Variants in CWF19L2 observed in about 807,000 individuals in gnomAD.
CWF19L2 encodes the protein CWF19-like protein 2.
CWF19L2 carries 98 observed loss-of-function variants against 111.7 expected under a neutral mutation model. That is an observed-to-expected ratio of 0.88 (90% confidence interval 0.75 to 1.04). The LOEUF is 1.04. Ranked by LOEUF, CWF19L2 falls within the 50% of genes least tolerant of loss-of-function variation. CWF19L2 has a pLI of 0.00. For missense variants in CWF19L2, 1,101 were observed against 1,051.4 expected (o/e 1.05, Z -0.65); for synonymous variants, 351 against 342.9 (o/e 1.02, Z -0.26).
At chr11:107,341,495 T>C (rs540964028) in intron 14 of CWF19L2, among the ~76,000 whole-genome samples, 1 of 152,308 alleles carries the variant, frequency 6.6e-6, no homozygotes, top group South Asian at 2.1e-4. Flanking sequence ...TTTGCTAATA[T>C]TTTGTTGATA....
chr11:107,354,865 G>T (rs914014665), intron 12 of CWF19L2, among the ~76,000 whole-genome samples: 1 of 152,066 alleles, frequency 6.6e-6, no homozygotes, highest in Non-Finnish European at 1.5e-5. Context: ...CAACCCATGA[G>T]GTTTAATTCT....
At chr11:107,393,320 G>A (rs1034361825) in intron 10 of CWF19L2, among the ~76,000 whole-genome samples, 12 of 152,120 alleles carry the variant, frequency 7.9e-5, no homozygotes, top group East Asian at 5.8e-4. Flanking sequence ...GATACTACCC[G>A]TAACTTCTAT....
intron 8 of CWF19L2, among the ~76,000 whole-genome samples, chr11:107,425,709 T>C (rs1482859801): frequency 6.6e-6 from 1 of 151,936 alleles, no homozygotes; most frequent in Non-Finnish European, 1.5e-5. Flanking sequence ...CTCACAACTA[T>C]ACTCAAAGCC....
chr11:107,451,783 G>A lies in CWF19L2; in HGVS notation c.339+2667C>T, dbSNP rs546584914. Among the ~76,000 whole-genome samples, 6 of 152,126 alleles carry A rather than the reference G, an allele frequency of 3.9e-5. No individual in the cohort carries two copies. In the South Asian group the frequency reaches 6.2e-4, roughly 16 times the overall value. ...AACTATTAAAGGAATTAACTCTGTC[G>A]TTAAACCCATTCCACAAAGAAACTC... On this transcript the variant is annotated intron_variant, in intron 3 of 17. Transcript: ENST00000282251.
chr11:107,439,615 G>A (rs1277704191), intron 5 of CWF19L2, among the ~76,000 whole-genome samples: 8 of 152,092 alleles, frequency 5.3e-5, no homozygotes, highest in African/African-American at 1.2e-4. Flanking sequence ...TAAATTAACC[G>A]CATTTTCTTT....
chr11:107,427,633 T>G (rs1861397363), intron 8 of CWF19L2, among the ~76,000 whole-genome samples: 1 of 152,176 alleles, frequency 6.6e-6, no homozygotes, highest in Admixed American at 6.6e-5. Context: ...CCTAATGATA[T>G]CAGGAAATAA....
At chr11:107,392,987 C>A (rs112031369) in intron 10 of CWF19L2, 92 bp from the exon 11 acceptor site, 2 of 775,046 alleles carry the variant, frequency 2.6e-6, no homozygotes, top group Non-Finnish European at 4.0e-6. Flanking sequence ...AAATGATTAA[C>A]GTTTCCACAT....
intron 7 of CWF19L2, among the ~76,000 whole-genome samples, chr11:107,431,598 AAAACT>A (rs1239469693): frequency 6.6e-6 from 1 of 152,122 alleles, no homozygotes; most frequent in East Asian, 1.9e-4. Context: ...ATTTACTAAG[AAAACT>A]AAACACATAA....
chr11:107,407,597 A>AT (rs1239348596), intron 10 of CWF19L2, among the ~76,000 whole-genome samples: 2 of 151,258 alleles, frequency 1.3e-5, no homozygotes, highest in Non-Finnish European at 3.0e-5. Context: ...AATAATGAGC[A>AT]TTTGAGGGAA....
intron 10 of CWF19L2, among the ~76,000 whole-genome samples, chr11:107,411,079 G>A (rs559982241): frequency 6.2e-4 from 50 of 81,112 alleles, no homozygotes; most frequent in East Asian, 2.0e-3. Context: ...GTGTGTGTGC[G>A]CGCGTGCGTG....
intron 10 of CWF19L2, among the ~76,000 whole-genome samples, chr11:107,411,918 T>A (rs1403284677): frequency 6.6e-6 from 1 of 152,150 alleles, no homozygotes; most frequent in African/African-American, 2.4e-5. Context: ...GGCACAATGG[T>A]CTCTTAGTCC....
chr11:107,434,672 C>CAAAAAAAAAAAAAAAAAAAAAAAAAAAA (rs71044301), intron 6 of CWF19L2, among the ~76,000 whole-genome samples: 1 of 115,818 alleles, frequency 8.6e-6, no homozygotes. Flanking sequence ...TATTACACAG[C>CAAAAAAAAAAAAAAAAAAAAAAAAAAAA]AAAAAAAAAA....
intron 12 of CWF19L2, among the ~76,000 whole-genome samples, chr11:107,387,661 T>C (rs77820965): frequency 0.017 from 2,648 of 152,090 alleles, 59 homozygotes; most frequent in African/African-American, 0.059. Context: ...GATGAAACTA[T>C]TACACCTCAG....
At chr11:107,445,032 T>G (rs561918570) in intron 3 of CWF19L2, among the ~76,000 whole-genome samples, 1 of 152,188 alleles carries the variant, frequency 6.6e-6, no homozygotes, top group South Asian at 2.1e-4. Flanking sequence ...TGGGAAGGCA[T>G]TGGGAGAGGC....
Position 107,439,116 on chromosome 11 carries a change from T to G in CWF19L2, c.638A>C (p.Asp213Ala). The G allele has an allele frequency of 6.3e-7, 1 of 1,593,520 alleles. No individual in the cohort carries two copies. Among genetic ancestry groups the G allele is most frequent in the Non-Finnish European group, 8.6e-7 (1 of 1,165,792 alleles). The change falls in exon 6 of 18, where the codon GAC becomes GCC. Residue 213 changes from aspartate to alanine, a missense_variant. By Grantham distance (126) the Asp-to-Ala change is moderately radical. Coordinates refer to ENST00000282251, the MANE Select transcript of CWF19L2 (RefSeq NM_152434.3). ...KDGGTGLPPEDCSVSSITKVS... is the reference protein window; with the variant it reads ...KDGGTGLPPEACSVSSITKVS... ...TTTAGTAATCGATGACACACTACAG[T>G]CTTCAGGTGGAAGACCTGTCCCACC...
intron 10 of CWF19L2, among the ~76,000 whole-genome samples, chr11:107,394,623 C>A (rs991260281): frequency 1.3e-5 from 2 of 152,162 alleles, no homozygotes; most frequent in African/African-American, 4.8e-5. Context: ...TCTGAAATAT[C>A]TATTTAATCT....
rs560280211 is a variant in CWF19L2 at position 107,404,268 on chromosome 11, T to C, written c.1618-11373A>G. 1.0e-4 allele frequency: 79 copies of C among 779,318 alleles called. No individual in the cohort carries two copies. In the South Asian group the frequency reaches 1.0e-3, roughly 10 times the overall value. The allele number at this position is 779,318 out of a possible 1,614,324, so 48.3% of individuals were successfully genotyped here. A position where few individuals can be genotyped will look rare whatever the true frequency, so the allele number is the denominator to read the frequency against. ...AAATATTCTTGTTTTTCTTCATCAG[T>C]GAGATCTCGCCACATGCCACCAATA... is the stretch of plus-strand genomic sequence containing the variant. On this transcript the variant is annotated intron_variant, in intron 10 of 17. Coordinates refer to ENST00000282251, the MANE Select transcript of CWF19L2 (RefSeq NM_152434.3).
chr11:107,385,713 G>A (rs945264944), intron 12 of CWF19L2, among the ~76,000 whole-genome samples: 1 of 152,178 alleles, frequency 6.6e-6, no homozygotes, highest in Non-Finnish European at 1.5e-5. Flanking sequence ...GTTTTAGATT[G>A]TATGGCATTC....
intron 12 of CWF19L2, among the ~76,000 whole-genome samples, chr11:107,363,194 G>T (rs1039628986): frequency 8.1e-4 from 123 of 152,130 alleles, no homozygotes; most frequent in African/African-American, 2.8e-3. Flanking sequence ...AATCTACGTC[G>T]GATTGGTGTA....
Sources: allele counts gnomAD v4.1 joint callset (sites outside exome capture counted in the v4.1 genomes callset), GRCh38; gene constraint gnomAD v4.1.1; transcripts MANE v1.5; gene names NCBI Gene and HGNC (gene_info 2026-07-23, HGNC 2026-07-21).